TENM3: variants seen among roughly 807,000 people sequenced by gnomAD.
TENM3 encodes the protein teneurin transmembrane protein 3.
TENM3 carries 63 observed loss-of-function variants against 255.1 expected under a neutral mutation model. The ratio of observed to expected loss-of-function variants is 0.25; its 90% confidence interval spans 0.20 to 0.30. TENM3 has a LOEUF of 0.30. TENM3 is among the 10% of genes least tolerant of loss of function. TENM3 has a pLI of 1.00. For synonymous variants in TENM3, 1,306 were observed against 1,322.3 expected (o/e 0.99, Z 0.27); for missense variants, 2,929 against 3,461.1 (o/e 0.85, Z 3.86).
At chr4:181,580,826 A>G in the TENM3 span, among the ~76,000 whole-genome samples, 2 of 152,174 alleles carry the variant, frequency 1.3e-5, no homozygotes, top group African/African-American at 2.4e-5. Context: ...CTAGATTCCT[A>G]CTGAAGTTGG....
At chr4:181,878,985 C>G in the TENM3 span, among the ~76,000 whole-genome samples, 19 of 152,138 alleles carry the variant, frequency 1.2e-4, no homozygotes, top group Non-Finnish European at 2.5e-4. Context: ...GGGTAGAGTT[C>G]TAGTCTATTC....
intron 5 of TENM3, among the ~76,000 whole-genome samples, chr4:182,633,761 C>T (rs944613028): frequency 3.9e-5 from 6 of 152,224 alleles, no homozygotes; most frequent in Non-Finnish European, 7.3e-5. Context: ...TGAAGGCACA[C>T]ACACAAGGAC....
intron 3 of TENM3, among the ~76,000 whole-genome samples, chr4:182,408,215 A>C (rs546790816): frequency 1.1e-3 from 167 of 152,350 alleles, no homozygotes; most frequent in African/African-American, 3.8e-3. Flanking sequence ...GCAAGAATAG[A>C]CATAAATATC....
intron 5 of TENM3, among the ~76,000 whole-genome samples, chr4:182,642,559 C>A (rs566865964): frequency 6.6e-6 from 1 of 152,202 alleles, no homozygotes; most frequent in Non-Finnish European, 1.5e-5. Flanking sequence ...CCCATCAAGG[C>A]ATTTTGATAG....
the TENM3 span, among the ~76,000 whole-genome samples, chr4:182,104,669 G>A: frequency 4.0e-5 from 6 of 151,726 alleles, no homozygotes; most frequent in Admixed American, 1.3e-4. Context: ...CTGTCACCAC[G>A]CCTAGCTAAT....
At chr4:182,321,974 T>A (rs1454145938) in intron 1 of TENM3, among the ~76,000 whole-genome samples, 2 of 152,088 alleles carry the variant, frequency 1.3e-5, no homozygotes, top group Non-Finnish European at 2.9e-5. Context: ...AAATAAATAA[T>A]ACTTCTCTTT....
chr4:182,593,052 T>G (rs571483803), intron 3 of TENM3, among the ~76,000 whole-genome samples: 1 of 152,358 alleles, frequency 6.6e-6, no homozygotes, highest in Non-Finnish European at 1.5e-5. Flanking sequence ...AGACTGAATC[T>G]AAATCTTCAC....
At chr4:182,343,002 G>A (rs1402343541) in intron 2 of TENM3, among the ~76,000 whole-genome samples, 1 of 152,096 alleles carries the variant, frequency 6.6e-6, no homozygotes, top group East Asian at 1.9e-4. Context: ...GCTGTGCTAT[G>A]TGCCAATCTC....
upstream of TENM3, among the ~76,000 whole-genome samples, chr4:182,241,690 A>G (rs1265262084): frequency 6.8e-6 from 1 of 146,916 alleles, no homozygotes; most frequent in Non-Finnish European, 1.5e-5. Context: ...TTGTATTTTT[A>G]GTAGAGACGG....
At chr4:182,045,370 T>G in the TENM3 span, among the ~76,000 whole-genome samples, 1 of 150,112 alleles carries the variant, frequency 6.7e-6, no homozygotes, top group Non-Finnish European at 1.5e-5. Flanking sequence ...AAGTACGATG[T>G]CCATGTCTGT....
the TENM3 span, among the ~76,000 whole-genome samples, chr4:182,008,181 G>A: frequency 6.6e-6 from 1 of 152,030 alleles, no homozygotes; most frequent in Non-Finnish European, 1.5e-5. Flanking sequence ...CAACCTTGGA[G>A]AATTTGATGA....
chr4:181,743,283 G>A, the TENM3 span, among the ~76,000 whole-genome samples: 1 of 152,156 alleles, frequency 6.6e-6, no homozygotes, highest in African/African-American at 2.4e-5. Context: ...CTAGTTTACA[G>A]TCTCACCAAC....
chr4:182,408,109 C>T (rs1020148402), intron 3 of TENM3, among the ~76,000 whole-genome samples: 2 of 152,134 alleles, frequency 1.3e-5, no homozygotes, highest in African/African-American at 4.8e-5. Flanking sequence ...GGGAAAAAGG[C>T]ACATAGGACC....
At chr4:181,506,800 T>A in the TENM3 span, among the ~76,000 whole-genome samples, 1 of 151,788 alleles carries the variant, frequency 6.6e-6, no homozygotes, top group African/African-American at 2.4e-5. Context: ...AGAAAGAAGT[T>A]ACTCTTTCTG....
the TENM3 span, among the ~76,000 whole-genome samples, chr4:182,113,191 C>T: frequency 1.9e-4 from 29 of 152,244 alleles, no homozygotes; most frequent in African/African-American, 3.9e-4. Flanking sequence ...CTTGTGCTTC[C>T]GGAGACAACA....
chr4:182,590,667 G>T (rs1746541733), intron 3 of TENM3, among the ~76,000 whole-genome samples: 1 of 151,592 alleles, frequency 6.6e-6, no homozygotes, highest in East Asian at 1.9e-4. Flanking sequence ...AGACCATCCT[G>T]GCCAACATGG....
chr4:182,567,364 C>G (rs1000683347), intron 3 of TENM3, among the ~76,000 whole-genome samples: 22 of 152,250 alleles, frequency 1.4e-4, no homozygotes, highest in African/African-American at 5.3e-4. Context: ...CCCTCCCGTC[C>G]CATGCCCACC....
the TENM3 span, among the ~76,000 whole-genome samples, chr4:182,009,346 A>T: frequency 6.6e-6 from 1 of 152,126 alleles, no homozygotes; most frequent in East Asian, 1.9e-4. Flanking sequence ...CTCTCCTGGT[A>T]TGCAGAGACT....
At chr4:182,654,760 G>A (rs1753613895) in intron 6 of TENM3, among the ~76,000 whole-genome samples, 1 of 152,098 alleles carries the variant, frequency 6.6e-6, no homozygotes, top group Non-Finnish European at 1.5e-5. Context: ...TTCTTTGCAA[G>A]ACTGGAAAGA....
Sources: gnomAD v4.1 joint callset for allele counts (sites outside exome capture counted in the v4.1 genomes callset) on GRCh38, gnomAD v4.1.1 for gene constraint, MANE v1.5 for transcripts, NCBI Gene and HGNC (gene_info 2026-07-23, HGNC 2026-07-21) for gene names.